BIN3: variants seen among roughly 807,000 people sequenced by gnomAD.
The protein encoded by BIN3 is bridging integrator 3.
BIN3 carries 41 observed loss-of-function variants against 38.2 expected under a neutral mutation model. That is an observed-to-expected ratio of 1.07 (90% CI 0.84 to 1.39). The LOEUF is 1.39. Among genes scored for constraint, BIN3 ranks in the 40% most tolerant of loss-of-function variants. The probability of loss-of-function intolerance (pLI) is 0.00; values close to 1 mark genes in which losing one functional copy is unlikely to be tolerated. For synonymous variants in BIN3, 145 were observed against 122.6 expected (o/e 1.18, Z -1.21); for missense variants, 361 against 324.3 (o/e 1.11, Z -0.87).
intron 2 of BIN3, 95 bp from the exon 3 acceptor site, chr8:22,637,057 G>A (rs868488189): frequency 7.1e-6 from 8 of 1,128,778 alleles, no homozygotes; most frequent in Non-Finnish European, 1.1e-5. Flanking sequence ...CCCTGCCCCA[G>A]TCCGCAGAAA....
At chr8:22,633,497 T>G (rs973925525) in intron 4 of BIN3, among the ~76,000 whole-genome samples, 1 of 152,244 alleles carries the variant, frequency 6.6e-6, no homozygotes, top group Non-Finnish European at 1.5e-5. Flanking sequence ...TCTGGAGTCC[T>G]GATGCGGCCT....
At chr8:22,645,858 T>A (rs1395211357) in intron 1 of BIN3, among the ~76,000 whole-genome samples, 1 of 152,150 alleles carries the variant, frequency 6.6e-6, no homozygotes, top group East Asian at 1.9e-4. Flanking sequence ...CTGGATTATT[T>A]CCCTGGGAAA....
At chr8:22,653,824 G>T (rs28696301) in intron 1 of BIN3, among the ~76,000 whole-genome samples, 16,758 of 151,678 alleles carry the variant, frequency 0.11, 1,940 homozygotes, top group African/African-American at 0.29. Context: ...CCCTGAGGCT[G>T]AAGCTTTGTA....
At chr8:22,664,748 G>C (rs946984608) in intron 1 of BIN3, among the ~76,000 whole-genome samples, 1 of 152,236 alleles carries the variant, frequency 6.6e-6, no homozygotes, top group Non-Finnish European at 1.5e-5. Flanking sequence ...AAGTTACCAA[G>C]GGGGATCATA....
In BIN3 at chr8:22,648,939, G is replaced by GTATC. The variant is rs1554571196; in HGVS notation, c.9-4137_9-4136insGATA. 6.2e-3 allele frequency among the ~76,000 whole-genome samples: 940 copies of GTATC among 151,968 alleles called. 11 individuals are homozygous for GTATC. Among genetic ancestry groups the GTATC allele is most frequent in the African/African-American group, 0.021 (861 of 41,386 alleles). On this transcript the variant is annotated intron_variant, in intron 1 of 8. Coordinates refer to ENST00000276416, the MANE Select transcript of BIN3 (RefSeq NM_018688.6). ...TGTATGTATGTATGTATGTATGTAT[G>GTATC]TAAGTGTGTGTGTGTATTTCCTTAC...
At position 22,647,853 on chromosome 8, in the gene BIN3, G is replaced by A. The variant is rs879392149; in HGVS notation, c.9-3050C>T. ...TTAAAGAAAAACTGTGAGGCCGGGC[G>A]TGGTGGCTCACACCTGTAATCCCAG... On this transcript the variant is annotated intron_variant, in intron 1 of 8. Transcript: ENST00000276416. Among the ~76,000 whole-genome samples, 26 of 152,240 alleles carry A rather than the reference G, an allele frequency of 1.7e-4. 1 individual carries two copies. In the South Asian group the frequency reaches 1.9e-3, roughly 11 times the overall value.
intron 4 of BIN3, among the ~76,000 whole-genome samples, chr8:22,635,151 G>C (rs1483065010): frequency 6.6e-6 from 1 of 152,114 alleles, no homozygotes; most frequent in Non-Finnish European, 1.5e-5. Flanking sequence ...TACCTGTGTG[G>C]GTTATTCATT....
At chr8:22,631,287 T>C (rs1802192998) in intron 4 of BIN3, among the ~76,000 whole-genome samples, 1 of 152,162 alleles carries the variant, frequency 6.6e-6, no homozygotes, top group Non-Finnish European at 1.5e-5. Context: ...ACACTGCAGC[T>C]GGTACAGGCG....
At chr8:22,642,969 C>T (rs900713700) in intron 2 of BIN3, among the ~76,000 whole-genome samples, 2 of 152,218 alleles carry the variant, frequency 1.3e-5, no homozygotes, top group Admixed American at 6.5e-5. Context: ...CTTAGATCAA[C>T]GGAGCCAGAG....
At position 22,644,750 on chromosome 8, in the gene BIN3, C is replaced by T; in HGVS notation, c.57+5G>A. 1 of 1,610,928 alleles carries T rather than the reference C, an allele frequency of 6.2e-7. No individual in the cohort carries two copies. The highest frequency in any genetic ancestry group is 1.1e-5 in the South Asian group (1 of 90,306). On this transcript the variant is annotated splice_donor_5th_base_variant and intron_variant, in intron 2 of 8. Transcript: ENST00000276416. ...ATCTCACAGCAAAACAATCGAGTTA[C>T]TCACTGTTTTGGGCACAATCTGTTT...
intron 4 of BIN3, among the ~76,000 whole-genome samples, chr8:22,631,494 A>C (rs1802201195): frequency 1.3e-5 from 2 of 152,328 alleles, no homozygotes; most frequent in African/African-American, 4.8e-5. Context: ...TCTAGCGGAA[A>C]TGTAGTTTGG....
At chr8:22,634,991 T>C (rs35591910) in intron 4 of BIN3, among the ~76,000 whole-genome samples, 9,424 of 152,192 alleles carry the variant, frequency 0.062, 664 homozygotes, top group East Asian at 0.18. Flanking sequence ...AGCCATAACA[T>C]GGCATTATTC....
chr8:22,661,491 T>C (rs532166864), intron 1 of BIN3, among the ~76,000 whole-genome samples: 43 of 150,264 alleles, frequency 2.9e-4, no homozygotes, highest in African/African-American at 1.0e-3. Context: ...CCTAGTAGCT[T>C]GGATTACAGG....
At chr8:22,650,570 A>G (rs1802858982) in intron 1 of BIN3, among the ~76,000 whole-genome samples, 1 of 152,184 alleles carries the variant, frequency 6.6e-6, no homozygotes, top group Non-Finnish European at 1.5e-5. Flanking sequence ...CATTAGTATC[A>G]AAGTTATAGT....
At chr8:22,630,607 T>A in intron 4 of BIN3, 29 bp from the exon 5 acceptor site, 1 of 1,612,560 alleles carries the variant, frequency 6.2e-7, no homozygotes, top group Non-Finnish European at 8.5e-7. Context: ...CGGTGAACCT[T>A]CTATGAAGGG....
chr8:22,630,610 A>G (rs967650790), intron 4 of BIN3, 32 bp from the exon 5 acceptor site: 4 of 1,611,988 alleles, frequency 2.5e-6, no homozygotes, highest in South Asian at 2.2e-5. Flanking sequence ...TGAACCTTCT[A>G]TGAAGGGGCA....
intron 1 of BIN3, among the ~76,000 whole-genome samples, chr8:22,648,574 C>T (rs1239848873): frequency 6.6e-6 from 1 of 152,142 alleles, no homozygotes; most frequent in Non-Finnish European, 1.5e-5. Flanking sequence ...CCACATCATA[C>T]CCAGGGTCCA....
intron 1 of BIN3, among the ~76,000 whole-genome samples, chr8:22,660,325 G>A (rs1043064823): frequency 6.6e-6 from 1 of 152,260 alleles, no homozygotes. Flanking sequence ...CTTGTCCTGC[G>A]GACTCCGCAA....
At chr8:22,652,478 C>A (rs1043163602) in intron 1 of BIN3, among the ~76,000 whole-genome samples, 2 of 152,162 alleles carry the variant, frequency 1.3e-5, no homozygotes, top group African/African-American at 4.8e-5. Context: ...GAAGAGCCTG[C>A]GTGTGCATGT....
Sources: gnomAD v4.1 joint callset for allele counts (sites outside exome capture counted in the v4.1 genomes callset) on GRCh38, gnomAD v4.1.1 for gene constraint, MANE v1.5 for transcripts, NCBI Gene and HGNC (gene_info 2026-07-23, HGNC 2026-07-21) for gene names.